VSTM2A: variants seen among roughly 807,000 people sequenced by gnomAD.
The protein encoded by VSTM2A is V-set and transmembrane domain containing 2A.
In VSTM2A, 13 loss-of-function variants were observed where a neutral mutation model predicts 27.3. The ratio of observed to expected loss-of-function variants is 0.48; its 90% confidence interval spans 0.31 to 0.76. The LOEUF (loss-of-function observed/expected upper bound fraction) is 0.76, where lower values mean the gene tolerates loss of function less well. VSTM2A is among the 30% of genes least tolerant of loss of function. VSTM2A has a pLI of 0.05. For missense variants in VSTM2A, 280 were observed against 310.0 expected, an observed-to-expected ratio of 0.90 and a Z score of 0.73; for synonymous variants, 142 against 125.7, an observed-to-expected ratio of 1.13 and a Z score of -0.87.
At chr7:54,559,263 T>G (rs1788473929) in intron 4 of VSTM2A, 1 of 152,102 alleles carries the variant, frequency 6.6e-6, no homozygotes, top group South Asian at 2.1e-4. Flanking sequence ...AAAGTATGGT[T>G]GCAAATAAGT....
intron 4 of VSTM2A, among the ~76,000 whole-genome samples, chr7:54,564,262 G>A (rs997432098): frequency 1.3e-5 from 2 of 152,066 alleles, no homozygotes; most frequent in Non-Finnish European, 2.9e-5. Context: ...AAAGATTCTG[G>A]AGTCAGACCA....
intron 4 of VSTM2A, among the ~76,000 whole-genome samples, chr7:54,563,280 A>G (rs1788618467): frequency 1.3e-5 from 2 of 152,210 alleles, no homozygotes; most frequent in South Asian, 2.1e-4. Context: ...TCTCACCTGT[A>G]CTACCTACTA....
chr7:54,563,971 C>G (rs1466897259), intron 4 of VSTM2A, among the ~76,000 whole-genome samples: 3 of 152,166 alleles, frequency 2.0e-5, no homozygotes, highest in Non-Finnish European at 4.4e-5. Flanking sequence ...TCCCCTTAAA[C>G]AGTGATTTAG....
chr7:54,550,041 G>A lies in VSTM2A; in HGVS notation c.505G>A (p.Asp169Asn), dbSNP rs776431693. 5.0e-6 allele frequency: 8 copies of A among 1,610,468 alleles called. No homozygotes were observed. The highest frequency in any genetic ancestry group is 5.9e-6 in the Non-Finnish European group (7 of 1,178,420). The change falls in exon 4 of 5, where the codon GAT (aspartate) becomes AAT (asparagine). Residue 169 changes from aspartate (D) to asparagine (N), a missense_variant. Coordinates refer to ENST00000402613, the MANE Select transcript of VSTM2A (RefSeq NM_001301009.2). ...CGAAGCCTCGCCCATGTGGCTGCAG[G>A]ATATGAAGCCCCGCAAGAACGTCTC... ...AFEASPMWLQ[D>N]MKPRKNVSAA...
At chr7:54,547,271 T>C (rs1234163489) in intron 3 of VSTM2A, 7 of 404,130 alleles carry the variant, frequency 1.7e-5, no homozygotes, top group Non-Finnish European at 3.1e-5. Flanking sequence ...GTAACTTACC[T>C]AACAGTAAGA....
chr7:54,549,955 A>C lies in VSTM2A; in HGVS notation c.419A>C (p.His140Pro). 6.2e-7 allele frequency: 1 copy of C among 1,613,802 alleles called. No homozygotes were observed. Among genetic ancestry groups the C allele is most frequent in the Non-Finnish European group, 8.5e-7 (1 of 1,179,800 alleles). ...GCCAACTACGGGGAGCTTCAGGAAC[A>C]CAAGGCCCAGGCCTATCTGAAAGTC... is the stretch of plus-strand genomic sequence containing the variant. ...TDANYGELQE[H>P]KAQAYLKVNA... The change falls in exon 4 of 5, where the codon CAC becomes CCC. Residue 140 changes from histidine to proline, a missense_variant. His to Pro is a moderately conservative substitution (Grantham distance 77). Coordinates refer to ENST00000402613, the MANE Select transcript of VSTM2A (RefSeq NM_001301009.2).
Position 54,569,309 on chromosome 7 carries a change from G to C in VSTM2A, c.*90G>C. ...ATCATATTTTCTTTGGCAAAACACT[G>C]ATCTTTTATTTTAAGAGAATTAACG... On this transcript the variant is annotated 3_prime_UTR_variant, in exon 5 of 5. Coordinates refer to ENST00000402613, the MANE Select transcript of VSTM2A (RefSeq NM_001301009.2). 6.6e-7 allele frequency: 1 copy of C among 1,518,072 alleles called. No homozygotes were observed. Among genetic ancestry groups the C allele is most frequent in the African/African-American group, 1.4e-5 (1 of 71,544 alleles). 94.0% of individuals were successfully genotyped at this position (1,518,072 alleles called of 1,614,324 possible).
chr7:54,566,089 A>G (rs1788711900), intron 4 of VSTM2A, among the ~76,000 whole-genome samples: 1 of 152,370 alleles, frequency 6.6e-6, no homozygotes, highest in East Asian at 1.9e-4. Flanking sequence ...CAAGAGCACT[A>G]TGAAAATCTT....
At chr7:54,550,275 CGGAG>C (rs1302872341) in intron 4 of VSTM2A, 105 bp downstream of exon 4, 2 of 1,514,240 alleles carry the variant, frequency 1.3e-6, no homozygotes, top group East Asian at 2.5e-5. Context: ...TTTTTAAAAT[CGGAG>C]ACCTAGTTCA....
Position 54,546,939 on chromosome 7 carries a change from G to C in VSTM2A, c.247-8G>C, listed in dbSNP as rs376689708. 2 of 1,598,350 alleles carry C rather than the reference G, an allele frequency of 1.3e-6. No individual in the cohort carries two copies. The highest frequency in any genetic ancestry group is 1.7e-6 in the Non-Finnish European group (2 of 1,174,594). On this transcript the variant is annotated splice_region_variant and splice_polypyrimidine_tract_variant and intron_variant, in intron 2 of 4. Coordinates refer to ENST00000402613, the MANE Select transcript of VSTM2A (RefSeq NM_001301009.2). ...GCGCGGGACTGAGCGTTCGCTCCTT[G>C]CCCGCAGGTGGAGCTCTTGCCCGAC...
chr7:54,554,067 C>T (rs1788276367), intron 4 of VSTM2A: 5 of 1,552,002 alleles, frequency 3.2e-6, no homozygotes, highest in South Asian at 1.2e-5. Flanking sequence ...CGTGCTGGCT[C>T]CTCCAGGTAA....
intron 1 of VSTM2A, 28 bp downstream of exon 1, chr7:54,542,837 A>T: frequency 6.2e-7 from 1 of 1,600,080 alleles, no homozygotes; most frequent in Non-Finnish European, 8.6e-7. Flanking sequence ...GCAAATATAC[A>T]TTTGCTTGCG....
At chr7:54,550,991 T>C (rs1788173178) in intron 4 of VSTM2A, 2 of 152,170 alleles carry the variant, frequency 1.3e-5, no homozygotes, top group South Asian at 4.1e-4. Context: ...TTTATCCTTC[T>C]TTAGGTTTTT....
intron 2 of VSTM2A, among the ~76,000 whole-genome samples, chr7:54,545,139 C>T (rs1787905999): frequency 6.6e-6 from 1 of 151,670 alleles, no homozygotes; most frequent in Non-Finnish European, 1.5e-5. Context: ...GGAGGGGAAT[C>T]GGTGGGCGGC....
chr7:54,546,554 GCCC>G (rs763266624), intron 2 of VSTM2A: 1 of 161,680 alleles, frequency 6.2e-6, no homozygotes, highest in African/African-American at 2.6e-5. Flanking sequence ...CACCCCTGGC[GCCC>G]CCCCGCCTGC....
At chr7:54,553,999 G>C (rs68106607) in intron 4 of VSTM2A, 1 of 1,552,886 alleles carries the variant, frequency 6.4e-7, no homozygotes, top group Non-Finnish European at 8.7e-7. Context: ...ACTGTGAAGC[G>C]GCTTCCTGCT....
At chr7:54,549,183 A>C (rs1788101252) in intron 3 of VSTM2A, among the ~76,000 whole-genome samples, 1 of 152,170 alleles carries the variant, frequency 6.6e-6, no homozygotes, top group African/African-American at 2.4e-5. Flanking sequence ...TGTAGTATAA[A>C]GTCCCTATAA....
At chr7:54,556,475 T>C (rs956500292) in intron 4 of VSTM2A, among the ~76,000 whole-genome samples, 3 of 152,130 alleles carry the variant, frequency 2.0e-5, no homozygotes, top group Admixed American at 1.3e-4. Flanking sequence ...AGAGTGCTTG[T>C]CTCATTTAAT....
chr7:54,545,898 AAG>A (rs1270427809), intron 2 of VSTM2A, among the ~76,000 whole-genome samples: 1 of 101,634 alleles, frequency 9.8e-6, no homozygotes, highest in African/African-American at 3.8e-5. Context: ...TAGAGGGAGA[AAG>A]AATGGGGAGA....
Sources: gnomAD v4.1 joint callset for allele counts (sites outside exome capture counted in the v4.1 genomes callset) on GRCh38, gnomAD v4.1.1 for gene constraint, MANE v1.5 for transcripts, NCBI Gene and HGNC (gene_info 2026-07-23, HGNC 2026-07-21) for gene names.